TMPRSS11A: variants seen among roughly 807,000 people sequenced by gnomAD.
TMPRSS11A encodes transmembrane protease serine 11A.
Under a neutral mutation model 58.9 loss-of-function variants are expected in TMPRSS11A, and 53 were observed. The observed-to-expected ratio is 0.90, with a 90% CI of 0.72 to 1.13. The LOEUF (loss-of-function observed/expected upper bound fraction) is 1.13. TMPRSS11A is among the 50% of genes most tolerant of loss of function. The pLI, the probability that TMPRSS11A is intolerant of heterozygous loss-of-function variation, is 0.00. For missense variants in TMPRSS11A, 493 were observed against 499.3 expected (o/e 0.99, Z 0.12); for synonymous variants, 167 against 169.8 (o/e 0.98, Z 0.13).
intron 8 of TMPRSS11A, among the ~76,000 whole-genome samples, chr4:67,915,927 A>C (rs1720132663): frequency 6.6e-6 from 1 of 152,224 alleles, no homozygotes; most frequent in Non-Finnish European, 1.5e-5. Context: ...CACATTTATA[A>C]AAAACTAATA....
At chr4:67,911,632 T>C in intron 9 of TMPRSS11A, 129 bp from the exon 10 acceptor site, 1 of 542,958 alleles carries the variant, frequency 1.8e-6, no homozygotes, top group Non-Finnish European at 3.0e-6. Flanking sequence ...CACAGAATAA[T>C]TAATTGAGAC....
chr4:67,948,985 T>G (rs1721092678), intron 1 of TMPRSS11A, among the ~76,000 whole-genome samples: 1 of 152,212 alleles, frequency 6.6e-6, no homozygotes, highest in Non-Finnish European at 1.5e-5. Flanking sequence ...AATTTATCAT[T>G]TATGTATTAA....
intron 1 of TMPRSS11A, among the ~76,000 whole-genome samples, chr4:67,948,147 C>CTTTTTTTTTTT (rs10577639): frequency 2.0e-5 from 2 of 98,292 alleles, no homozygotes; most frequent in African/African-American, 8.1e-5. Flanking sequence ...CAGTTTTTTT[C>CTTTTTTTTTTT]TTTTTTTTTT....
intron 3 of TMPRSS11A, among the ~76,000 whole-genome samples, chr4:67,939,162 T>TTG (rs889578612): frequency 1.3e-4 from 13 of 98,754 alleles, no homozygotes; most frequent in East Asian, 2.0e-4. Flanking sequence ...GGTATTTCAT[T>TTG]TGTGTGTGTG....
At chr4:67,944,473 T>C (rs775771473) in intron 3 of TMPRSS11A, 46 bp downstream of exon 3, 2 of 1,577,782 alleles carry the variant, frequency 1.3e-6, no homozygotes, top group Admixed American at 3.8e-5. Context: ...ACAAAATCCC[T>C]TCCACTTGCA....
chr4:67,936,713 C>T (rs966288676), intron 3 of TMPRSS11A, among the ~76,000 whole-genome samples: 5 of 152,106 alleles, frequency 3.3e-5, no homozygotes, highest in Admixed American at 2.6e-4. Flanking sequence ...TCACTACTCA[C>T]GTGTAACAAG....
chr4:67,948,562 A>G (rs1721084563), intron 1 of TMPRSS11A, among the ~76,000 whole-genome samples: 1 of 152,256 alleles, frequency 6.6e-6, no homozygotes, highest in Non-Finnish European at 1.5e-5. Flanking sequence ...AAAATTAATC[A>G]AGAATCCTCA....
intron 1 of TMPRSS11A, among the ~76,000 whole-genome samples, chr4:67,960,582 G>T (rs1407205671): frequency 1.3e-5 from 2 of 152,140 alleles, no homozygotes; most frequent in African/African-American, 4.8e-5. Context: ...CTATGAGTTT[G>T]CTGAAAACTA....
At chr4:67,942,000 G>A (rs73823372) in intron 3 of TMPRSS11A, among the ~76,000 whole-genome samples, 21 of 152,176 alleles carry the variant, frequency 1.4e-4, no homozygotes, top group African/African-American at 5.1e-4. Flanking sequence ...AAAATGTAAA[G>A]AACTTCTGCA....
At chr4:67,926,548 G>A (rs568528476) in intron 5 of TMPRSS11A, among the ~76,000 whole-genome samples, 3 of 152,312 alleles carry the variant, frequency 2.0e-5, no homozygotes, top group East Asian at 1.9e-4. Flanking sequence ...TGAGGCAGCC[G>A]ACTGTGCCAC....
At chr4:67,944,250 C>A (rs1357587529) in intron 3 of TMPRSS11A, among the ~76,000 whole-genome samples, 1 of 152,074 alleles carries the variant, frequency 6.6e-6, no homozygotes, top group Admixed American at 6.6e-5. Context: ...GGCCTCAATT[C>A]TCTTACCTTT....
intron 1 of TMPRSS11A, among the ~76,000 whole-genome samples, chr4:67,948,315 C>T (rs561484823): frequency 7.2e-5 from 11 of 151,960 alleles, no homozygotes; most frequent in South Asian, 2.1e-4. Flanking sequence ...TCCACCACCA[C>T]GCCCGGCTAA....
chr4:67,919,339 T>G, intron 7 of TMPRSS11A, 107 bp from the exon 8 acceptor site: 4 of 984,040 alleles, frequency 4.1e-6, no homozygotes, highest in Non-Finnish European at 6.0e-6. Flanking sequence ...CTGAGAATAC[T>G]TGGCTGCAGT....
chr4:67,950,205 A>C (rs1473996353), intron 1 of TMPRSS11A, among the ~76,000 whole-genome samples: 1 of 152,066 alleles, frequency 6.6e-6, no homozygotes, highest in East Asian at 1.9e-4. Flanking sequence ...CTGCTTTCTC[A>C]TCTGAAATTT....
chr4:67,949,908 G>A, intron 1 of TMPRSS11A, among the ~76,000 whole-genome samples: 1 of 152,124 alleles, frequency 6.6e-6, no homozygotes, highest in East Asian at 1.9e-4. Flanking sequence ...TTAGTCATTT[G>A]TGTAATATTA....
chr4:67,923,024 C>T, intron 6 of TMPRSS11A, 98 bp from the exon 7 acceptor site: 1 of 1,148,054 alleles, frequency 8.7e-7, no homozygotes, highest in Non-Finnish European at 1.3e-6. Context: ...GTATACTACT[C>T]CTCCTGCCCA....
At chr4:67,940,365 CT>C (rs200509521) in intron 3 of TMPRSS11A, among the ~76,000 whole-genome samples, 67 of 150,228 alleles carry the variant, frequency 4.5e-4, no homozygotes, top group African/African-American at 1.4e-3. Context: ...TAGTTTGGGC[CT>C]TTTTTTTTCC....
intron 7 of TMPRSS11A, among the ~76,000 whole-genome samples, chr4:67,921,496 A>G (rs1038855504): frequency 1.3e-5 from 2 of 152,042 alleles, no homozygotes; most frequent in Non-Finnish European, 2.9e-5. Context: ...ACCATGCCCA[A>G]TGGGGTTTCA....
Position 67,946,564 on chromosome 4 carries a change from C to A in TMPRSS11A, c.19G>T (p.Gly7Ter). 6.2e-7 allele frequency: 1 copy of A among 1,611,300 alleles called. No individual in the cohort carries two copies. The highest frequency in any genetic ancestry group is 8.5e-7 in the Non-Finnish European group (1 of 1,178,822). Residue 7 changes from glycine (G) to a stop codon, truncating the protein, a stop_gained, in exon 2 of 10, where the codon GGA (glycine) becomes TGA (stop). Coordinates refer to ENST00000508048, the MANE Select transcript of TMPRSS11A (RefSeq NM_001114387.2). LOFTEE classifies it high-confidence loss of function. ...AGATTTCTGCTTCGGGTGCCAAATCCCACTGTCCTGAGAAAAGGAAGGGCC... is the reference window on the plus strand; with the variant it reads ...AGATTTCTGCTTCGGGTGCCAAATCACACTGTCCTGAGAAAAGGAAGGGCC... MMYRTV[G>*]FGTRSRNLKP...
Sources: allele counts gnomAD v4.1 joint callset (sites outside exome capture counted in the v4.1 genomes callset), GRCh38; gene constraint gnomAD v4.1.1; transcripts MANE v1.5; gene names NCBI Gene and HGNC (gene_info 2026-07-23, HGNC 2026-07-21).